Variants in SPRED2 observed in about 807,000 individuals in gnomAD.
The protein encoded by SPRED2 is sprouty-related, EVH1 domain-containing protein 2.
Under a neutral mutation model 43.0 loss-of-function variants are expected in SPRED2, and 47 were observed. That is an observed-to-expected ratio of 1.09 (90% CI 0.87 to 1.40). The LOEUF (loss-of-function observed/expected upper bound fraction) is 1.40, where lower values mean the gene tolerates loss of function less well. Among genes scored for constraint, SPRED2 ranks in the 40% most tolerant of loss-of-function variants. The probability of loss-of-function intolerance (pLI) is 0.00; values close to 1 mark genes in which losing one functional copy is unlikely to be tolerated. For synonymous variants in SPRED2, 225 were observed against 225.7 expected (o/e 1.00, Z 0.03); for missense variants, 561 against 586.4 (o/e 0.96, Z 0.45).
At chr2:65,401,804 A>C (rs1347277235) in intron 1 of SPRED2, among the ~76,000 whole-genome samples, 1 of 151,882 alleles carries the variant, frequency 6.6e-6, no homozygotes, top group Admixed American at 6.6e-5. Flanking sequence ...TGTCTCAAAA[A>C]ATAAATAAAT....
chr2:65,320,432 A>G (rs1164015287), intron 4 of SPRED2, among the ~76,000 whole-genome samples: 1 of 152,150 alleles, frequency 6.6e-6, no homozygotes, highest in Non-Finnish European at 1.5e-5. Context: ...ACCTTCCGAT[A>G]TTCCCATCCC....
At chr2:65,367,479 A>T (rs1558671444) in intron 1 of SPRED2, among the ~76,000 whole-genome samples, 1 of 152,158 alleles carries the variant, frequency 6.6e-6, no homozygotes. Flanking sequence ...AATTAAAAAA[A>T]ATTTTTTTTT....
Position 65,312,416 on chromosome 2 carries a change from A to T in SPRED2, c.*1085T>A. 1.0e-6 allele frequency: 1 copy of T among 985,418 alleles called. No individual in the cohort carries two copies. The highest frequency in any genetic ancestry group is 1.2e-6 in the Non-Finnish European group (1 of 829,930). 61.0% of individuals were successfully genotyped at this position (985,418 alleles called of 1,614,324 possible). A position where few individuals can be genotyped will look rare whatever the true frequency, so the allele number is the denominator to read the frequency against. Reference sequence around the variant, plus strand: ...ACTCTTCAAATTTATGACATTTAAAAATCCCCTCTCCCCATTAATATAAAA... The same window carrying T: ...ACTCTTCAAATTTATGACATTTAAATATCCCCTCTCCCCATTAATATAAAA... On this transcript the variant is annotated 3_prime_UTR_variant, in exon 6 of 6. Transcript: ENST00000356388.
At chr2:65,410,005 G>A (rs1317140684) in intron 1 of SPRED2, among the ~76,000 whole-genome samples, 2 of 150,026 alleles carry the variant, frequency 1.3e-5, no homozygotes, top group Non-Finnish European at 3.0e-5. Context: ...ACTCCAACTT[G>A]GTAACAGAGT....
intron 4 of SPRED2, among the ~76,000 whole-genome samples, chr2:65,328,503 A>G (rs938664473): frequency 6.6e-6 from 1 of 152,186 alleles, no homozygotes; most frequent in Non-Finnish European, 1.5e-5. Context: ...GCAAAAATGG[A>G]AGTGTCGATC....
In SPRED2 at chr2:65,314,098, C is replaced by T. The variant is rs758560035; in HGVS notation, c.660G>A (p.Arg220=). Residue 220 remains arginine (R), a synonymous_variant, in exon 6 of 6, where the codon CGG becomes CGA. Transcript: ENST00000356388. ...CGTACCCCGTCATCCAGATCTTCTC[C>T]CGGGGGTTGATGCGCACGATCTCCT... ...DDEEIVRINP[R]EKIWMTGYED... The T allele has an allele frequency of 1.2e-6, 2 of 1,613,358 alleles. No individual in the cohort carries two copies. The highest frequency in any genetic ancestry group is 1.7e-6 in the Non-Finnish European group (2 of 1,179,356).
chr2:65,400,957 A>G (rs35837416), intron 1 of SPRED2, among the ~76,000 whole-genome samples: 16,708 of 151,882 alleles, frequency 0.11, 1,373 homozygotes, highest in Non-Finnish European at 0.16. Flanking sequence ...ATTCCTTATC[A>G]TCATTTTAAA....
intron 1 of SPRED2, among the ~76,000 whole-genome samples, chr2:65,423,991 C>T (rs1204874828): frequency 1.3e-5 from 2 of 152,088 alleles, no homozygotes; most frequent in African/African-American, 4.8e-5. Flanking sequence ...GTTTCTCCAT[C>T]TTGGTTGGGC....
At chr2:65,413,885 G>A (rs542888944) in intron 1 of SPRED2, among the ~76,000 whole-genome samples, 7 of 152,300 alleles carry the variant, frequency 4.6e-5, no homozygotes, top group Admixed American at 1.3e-4. Flanking sequence ...GCCAGAAAGC[G>A]TCAAATCTAT....
At chr2:65,353,280 AG>A (rs1674561467) in intron 1 of SPRED2, among the ~76,000 whole-genome samples, 1 of 152,168 alleles carries the variant, frequency 6.6e-6, no homozygotes, top group Non-Finnish European at 1.5e-5. Context: ...CCAAAGAGGG[AG>A]GTAAGGGGCA....
At chr2:65,384,814 C>T (rs1173035884) in intron 1 of SPRED2, among the ~76,000 whole-genome samples, 1 of 152,218 alleles carries the variant, frequency 6.6e-6, no homozygotes, top group Non-Finnish European at 1.5e-5. Flanking sequence ...TTGCCTGTCT[C>T]TCATGCACAC....
intron 1 of SPRED2, among the ~76,000 whole-genome samples, chr2:65,404,001 T>TA (rs1675963428): frequency 6.6e-6 from 1 of 152,108 alleles, no homozygotes; most frequent in Non-Finnish European, 1.5e-5. Context: ...GGTCAGGAGT[T>TA]AGAGACCAGC....
chr2:65,328,941 A>G (rs371605832), intron 4 of SPRED2, among the ~76,000 whole-genome samples: 25 of 152,272 alleles, frequency 1.6e-4, no homozygotes, highest in East Asian at 1.2e-3. Context: ...TGAAACCTTG[A>G]TAAGTACAAA....
Position 65,316,716 on chromosome 2 carries a change from A to G in SPRED2, c.588+18T>C. ...GGCACCACCCTGATGCCCTCAGAGG[A>G]ACAGGGCTGCTGCTCACCTGATCGA... On this transcript the variant is annotated intron_variant, in intron 5 of 5. Coordinates refer to ENST00000356388, the MANE Select transcript of SPRED2 (RefSeq NM_181784.3). 1 of 1,600,912 alleles carries G rather than the reference A, an allele frequency of 6.2e-7. No individual in the cohort carries two copies. The highest frequency in any genetic ancestry group is 1.1e-5 in the South Asian group (1 of 88,602).
intron 1 of SPRED2, among the ~76,000 whole-genome samples, chr2:65,424,501 C>G (rs773696080): frequency 4.6e-5 from 7 of 152,000 alleles, no homozygotes; most frequent in Non-Finnish European, 7.4e-5. Flanking sequence ...GTGGTGTACA[C>G]CTGTGGTCGC....
chr2:65,327,048 C>T (rs2104178930), intron 4 of SPRED2, among the ~76,000 whole-genome samples: 1 of 152,130 alleles, frequency 6.6e-6, no homozygotes, highest in East Asian at 1.9e-4. Flanking sequence ...GACAGGGTCT[C>T]TGTATGTTGC....
chr2:65,432,422 G>A lies in SPRED2; in HGVS notation c.-435C>T, dbSNP rs1479612275. 9 of 165,498 alleles carry A rather than the reference G, an allele frequency of 5.4e-5. No homozygotes were observed. Among genetic ancestry groups the A allele is most frequent in the Non-Finnish European group, 1.0e-4 (8 of 76,824 alleles). The allele number at this position is 165,498 out of a possible 1,614,324, so 10.3% of individuals were successfully genotyped here. A position where few individuals can be genotyped will look rare whatever the true frequency, so the allele number is the denominator to read the frequency against. On this transcript the variant is annotated 5_prime_UTR_variant, in exon 1 of 6. Coordinates refer to ENST00000356388, the MANE Select transcript of SPRED2 (RefSeq NM_181784.3). ...GGGGGGCCGGGCCAATCACGGTTCC[G>A]GGGAGCGGTCGGCGGCCGGGGGAGG... is the stretch of plus-strand genomic sequence containing the variant.
intron 2 of SPRED2, among the ~76,000 whole-genome samples, chr2:65,338,864 C>T (rs1315647169): frequency 1.3e-5 from 2 of 151,782 alleles, no homozygotes; most frequent in East Asian, 3.9e-4. Context: ...AGCGCCTCCT[C>T]CCGGCCGCCA....
chr2:65,323,070 C>T (rs938932506), intron 4 of SPRED2, among the ~76,000 whole-genome samples: 2 of 152,222 alleles, frequency 1.3e-5, no homozygotes, highest in Non-Finnish European at 2.9e-5. Context: ...TTTTGGCTCA[C>T]CGCAACCTCC....
Sources: allele counts gnomAD v4.1 joint callset (sites outside exome capture counted in the v4.1 genomes callset), GRCh38; gene constraint gnomAD v4.1.1; transcripts MANE v1.5; gene names NCBI Gene and HGNC (gene_info 2026-07-23, HGNC 2026-07-21).